Variants in DIAPH3 observed in about 807,000 individuals in gnomAD.
DIAPH3 encodes the protein protein diaphanous homolog 3.
In DIAPH3, 117 loss-of-function variants were observed where a neutral mutation model predicts 144.3. The ratio of observed to expected loss-of-function variants is 0.81; its 90% confidence interval spans 0.70 to 0.95. The LOEUF (loss-of-function observed/expected upper bound fraction) is 0.95. DIAPH3 is among the 40% of genes least tolerant of loss of function. The probability of loss-of-function intolerance (pLI) is 0.00; values close to 1 mark genes in which losing one functional copy is unlikely to be tolerated. For missense variants in DIAPH3, 1,421 were observed against 1,412.7 expected (o/e 1.01, Z -0.09); for synonymous variants, 519 against 488.9 (o/e 1.06, Z -0.81).
chr13:59,939,670 T>C (rs1042526966), intron 17 of DIAPH3, among the ~76,000 whole-genome samples: 4 of 152,152 alleles, frequency 2.6e-5, no homozygotes, highest in Non-Finnish European at 5.9e-5. Context: ...GGAGATGTAT[T>C]TGGAATATTC....
chr13:60,009,691 G>A (rs2053118944), intron 8 of DIAPH3, among the ~76,000 whole-genome samples: 1 of 152,176 alleles, frequency 6.6e-6, no homozygotes, highest in African/African-American at 2.4e-5. Flanking sequence ...GCCAGGCTGA[G>A]GCCGAGTGGT....
rs145766799 is a variant in DIAPH3 at position 59,928,964 on chromosome 13, T to C, written c.2075-4094A>G. Among the ~76,000 whole-genome samples, 542 of 152,194 alleles carry C rather than the reference T, an allele frequency of 3.6e-3. 4 individuals are homozygous for C. The highest frequency in any genetic ancestry group is 0.013 in the African/African-American group (522 of 41,544). ...GTGGCGAGGTCGCTATTGGACAAAA[T>C]TGGGAACTTGATAAGAAAGAAGAGT... On this transcript the variant is annotated intron_variant, in intron 17 of 27. Coordinates refer to ENST00000400324, the MANE Select transcript of DIAPH3 (RefSeq NM_001042517.2).
intron 27 of DIAPH3, among the ~76,000 whole-genome samples, chr13:59,699,361 A>T (rs1028958481): frequency 6.6e-6 from 1 of 152,240 alleles, no homozygotes; most frequent in South Asian, 2.1e-4. Context: ...GGGAATAGCA[A>T]GATGGCTGGG....
chr13:59,943,579 T>C (rs2140396810), intron 17 of DIAPH3, among the ~76,000 whole-genome samples: 1 of 152,286 alleles, frequency 6.6e-6, no homozygotes, highest in East Asian at 1.9e-4. Flanking sequence ...TTAGGCTCTC[T>C]ATAGAAGAAT....
chr13:59,937,000 A>G (rs1666663085), intron 17 of DIAPH3, among the ~76,000 whole-genome samples: 1 of 152,034 alleles, frequency 6.6e-6, no homozygotes, highest in Admixed American at 6.5e-5. Flanking sequence ...CATCTCTACT[A>G]AAAATACAAA....
chr13:59,977,756 A>G (rs1049161640), intron 14 of DIAPH3, among the ~76,000 whole-genome samples: 5 of 151,868 alleles, frequency 3.3e-5, no homozygotes, highest in Admixed American at 2.0e-4. Flanking sequence ...ATCTAAGATG[A>G]CTACAGGGTT....
In DIAPH3 at chr13:59,876,968, A is replaced by T. The variant is rs148105300; in HGVS notation, c.2607+2261T>A. On this transcript the variant is annotated intron_variant, in intron 21 of 27. Coordinates refer to ENST00000400324, the MANE Select transcript of DIAPH3 (RefSeq NM_001042517.2). The stretch of plus-strand genomic sequence containing the variant: ...AAGTTCATAACCAGCACACCTTGAC[A>T]ACTCCTCAGATGTCCCTGAATTTGT... Among the ~76,000 whole-genome samples, 1,211 of 152,044 alleles carry T rather than the reference A, an allele frequency of 8.0e-3. 6 individuals carry two copies. The highest frequency in any genetic ancestry group is 0.011 in the Non-Finnish European group (728 of 67,968).
intron 27 of DIAPH3, among the ~76,000 whole-genome samples, chr13:59,762,052 C>CA (rs2037622500): frequency 1.7e-5 from 1 of 59,490 alleles, no homozygotes; most frequent in Non-Finnish European, 2.9e-5. Context: ...GCGTCAGCAT[C>CA]TTTTTTTTTT....
At chr13:59,873,111 G>T (rs2044378428) in intron 21 of DIAPH3, among the ~76,000 whole-genome samples, 1 of 152,208 alleles carries the variant, frequency 6.6e-6, no homozygotes, top group African/African-American at 2.4e-5. Flanking sequence ...ATTCTAAATA[G>T]TTTCACATTG....
intron 2 of DIAPH3, among the ~76,000 whole-genome samples, chr13:60,121,626 A>G: frequency 6.6e-6 from 1 of 152,206 alleles, no homozygotes; most frequent in East Asian, 1.9e-4. Context: ...AACTACAGCA[A>G]GGAGGAAAGA....
At chr13:60,008,723 T>A (rs1594316493) in intron 8 of DIAPH3, 74 bp from the exon 9 acceptor site, 1 of 955,676 alleles carries the variant, frequency 1.0e-6, no homozygotes. Flanking sequence ...TTTATCCTAC[T>A]AAAGAAGTCA....
intron 17 of DIAPH3, among the ~76,000 whole-genome samples, chr13:59,939,761 T>C (rs964631596): frequency 7.9e-5 from 12 of 152,110 alleles, no homozygotes; most frequent in African/African-American, 2.9e-4. Context: ...TGACTTATAT[T>C]GACTAAGGCA....
At chr13:60,141,123 A>C (rs1318002275) in intron 1 of DIAPH3, among the ~76,000 whole-genome samples, 1 of 152,170 alleles carries the variant, frequency 6.6e-6, no homozygotes, top group Non-Finnish European at 1.5e-5. Context: ...ACTTTATGAC[A>C]CTTATTAATG....
At chr13:60,059,855 A>G (rs11838969) in intron 4 of DIAPH3, among the ~76,000 whole-genome samples, 5,680 of 152,108 alleles carry the variant, frequency 0.037, 170 homozygotes, top group East Asian at 0.1. Flanking sequence ...TGTGTTGATT[A>G]TGTTTATGTA....
chr13:60,016,045 T>G (rs2053620783), intron 6 of DIAPH3, 26 bp downstream of exon 6: 1 of 1,611,024 alleles, frequency 6.2e-7, no homozygotes, highest in Non-Finnish European at 8.5e-7. Context: ...GATGCTTACT[T>G]GAAAATAATT....
chr13:60,163,108 C>T (rs375570312), intron 1 of DIAPH3, among the ~76,000 whole-genome samples: 30 of 152,284 alleles, frequency 2.0e-4, no homozygotes, highest in African/African-American at 5.8e-4. Flanking sequence ...CTAAGCAAAA[C>T]ATTCTTTAGC....
At chr13:59,862,598 T>A (rs2043663795) in intron 21 of DIAPH3, among the ~76,000 whole-genome samples, 1 of 152,162 alleles carries the variant, frequency 6.6e-6, no homozygotes, top group African/African-American at 2.4e-5. Flanking sequence ...TTGTGTGAGG[T>A]GGCCAAAGAA....
intron 27 of DIAPH3, among the ~76,000 whole-genome samples, chr13:59,747,238 CAT>C (rs1410019008): frequency 1.3e-5 from 2 of 152,090 alleles, no homozygotes; most frequent in Non-Finnish European, 2.9e-5. Context: ...ATCACTGAAA[CAT>C]GTGCACTTAG....
chr13:59,673,083 C>A (rs137904320), intron 27 of DIAPH3, among the ~76,000 whole-genome samples: 5 of 152,234 alleles, frequency 3.3e-5, no homozygotes, highest in African/African-American at 1.2e-4. Context: ...GAGTGTAGGG[C>A]TACAAGGAAG....
Sources: gnomAD v4.1 joint callset for allele counts (sites outside exome capture counted in the v4.1 genomes callset) on GRCh38, gnomAD v4.1.1 for gene constraint, MANE v1.5 for transcripts, NCBI Gene and HGNC (gene_info 2026-07-23, HGNC 2026-07-21) for gene names.